The following AGAP3 variants were observed in gnomAD, a reference collection of about 807,000 sequenced individuals.
AGAP3 encodes arf-GAP with GTPase, ANK repeat and PH domain-containing protein 3.
A neutral mutation model predicts 96.9 loss-of-function variants in AGAP3; 24 were observed. The observed-to-expected ratio is 0.25, with a 90% CI of 0.18 to 0.35. The LOEUF is 0.35. AGAP3 is among the 10% of genes least tolerant of loss of function. The pLI is 1.00. For synonymous variants in AGAP3, 563 were observed against 536.1 expected (o/e 1.05, Z -0.69); for missense variants, 876 against 1,254.2 (o/e 0.70, Z 4.55).
In AGAP3 at chr7:151,118,114, G is replaced by T; in HGVS notation, c.707-96G>T. On this transcript the variant is annotated intron_variant, in intron 5 of 17. Coordinates refer to ENST00000397238, the MANE Select transcript of AGAP3 (RefSeq NM_031946.7). The surrounding 1 kb of genome is among the most constrained non-coding windows in gnomAD (Gnocchi z 6.1). ...GTGCTCTGTGTGTTCCACTCACCAG[G>T]CCCTTTGCACACCTGCCCTTGGGCC... The T allele has an allele frequency of 2.7e-6, 4 of 1,481,970 alleles. No homozygotes were observed. In the South Asian group the frequency reaches 5.2e-5, roughly 19 times the overall value. 91.8% of individuals were successfully genotyped at this position (1,481,970 alleles called of 1,614,324 possible). A position where few individuals can be genotyped will look rare whatever the true frequency, so the allele number is the denominator to read the frequency against.
At chr7:151,131,491 G>A (rs189983164) in intron 10 of AGAP3, among the ~76,000 whole-genome samples, 4 of 152,152 alleles carry the variant, frequency 2.6e-5, no homozygotes, top group East Asian at 1.9e-4. Flanking sequence ...CTGAGCAGCC[G>A]CCACCGCCAC....
chr7:151,117,278 T>C, intron 3 of AGAP3, 93 bp from the exon 4 acceptor site: 1 of 1,591,326 alleles, frequency 6.3e-7, no homozygotes, highest in Non-Finnish European at 8.6e-7. Flanking sequence ...CCCCTTCCAG[T>C]CCTCTTCCCT....
intron 11 of AGAP3, among the ~76,000 whole-genome samples, chr7:151,135,682 G>A (rs1021870692): frequency 6.6e-6 from 1 of 152,240 alleles, no homozygotes; most frequent in African/African-American, 2.4e-5. Context: ...CCAGCCCGAA[G>A]GCAGGGGAGT....
At chr7:151,115,215 C>T (rs1047503858) in intron 1 of AGAP3, 1 of 1,001,538 alleles carries the variant, frequency 1.0e-6, no homozygotes, top group Non-Finnish European at 1.2e-6. Flanking sequence ...GGGTCTGGGG[C>T]GCGCGGGCAG....
At chr7:151,123,504 T>TAA (rs1275048350) in intron 8 of AGAP3, 1 of 1,227,690 alleles carries the variant, frequency 8.1e-7, no homozygotes, top group Non-Finnish European at 1.0e-6. Flanking sequence ...CCGCTTCTCT[T>TAA]ACGCCCCCGC....
At chr7:151,109,165 T>TAAAAAAAAA (rs112464213) in intron 1 of AGAP3, among the ~76,000 whole-genome samples, 2 of 136,298 alleles carry the variant, frequency 1.5e-5, no homozygotes, top group South Asian at 2.4e-4. Flanking sequence ...CCCACCTCTG[T>TAAAAAAAAA]AAAAAAAAAA....
chr7:151,117,486 C>G (rs1337940534), intron 4 of AGAP3, 30 bp downstream of exon 4: 2 of 1,613,624 alleles, frequency 1.2e-6, no homozygotes, highest in Non-Finnish European at 1.7e-6. Flanking sequence ...TTAGGGCCCA[C>G]CGCTGTGCCT....
Position 151,142,327 on chromosome 7 carries a change from A to AAG in AGAP3, c.2050+77_2050+78dup. 1 of 1,598,846 alleles carries AAG rather than the reference A, an allele frequency of 6.3e-7. No homozygotes were observed. The highest frequency in any genetic ancestry group is 8.5e-7 in the Non-Finnish European group (1 of 1,169,856). On this transcript the variant is annotated intron_variant, in intron 15 of 17. Coordinates refer to ENST00000397238, the MANE Select transcript of AGAP3 (RefSeq NM_031946.7). The surrounding 1 kb of genome is among the most constrained non-coding windows in gnomAD (Gnocchi z 7.5). ...GCTTCGCAAGCATCAGGGAGCAGGGAAGAGGGCAGGGAAGCCTTCCCTAGT... is the reference window on the plus strand; with the variant it reads ...GCTTCGCAAGCATCAGGGAGCAGGGAAGAGAGGGCAGGGAAGCCTTCCCTAGT...
intron 1 of AGAP3, among the ~76,000 whole-genome samples, chr7:151,087,773 C>A (rs971127273): frequency 6.6e-6 from 1 of 152,260 alleles, no homozygotes; most frequent in Non-Finnish European, 1.5e-5. Flanking sequence ...GGACCGGAAA[C>A]CCCCGGCCAC....
At chr7:151,124,874 T>C (rs1199999631) in intron 9 of AGAP3, among the ~76,000 whole-genome samples, 1 of 152,210 alleles carries the variant, frequency 6.6e-6, no homozygotes, top group Non-Finnish European at 1.5e-5. Context: ...CAGGGTCCCA[T>C]GCCGTGATCC....
In AGAP3 at chr7:151,086,651, C is replaced by G. The variant is rs1346161589; in HGVS notation, c.-91C>G. 1.3e-5 allele frequency: 2 copies of G among 150,386 alleles called. No individual in the cohort carries two copies. The highest frequency in any genetic ancestry group is 2.9e-5 in the African/African-American group (1 of 35,002). 9.3% of individuals were successfully genotyped at this position (150,386 alleles called of 1,614,324 possible). ...CCAGTAGTCCCGGCCCCGCCAGCCCCGCGCTCCCGCTCGCCGCTGCCGCCG... is the reference window on the plus strand; with the variant it reads ...CCAGTAGTCCCGGCCCCGCCAGCCCGGCGCTCCCGCTCGCCGCTGCCGCCG... On this transcript the variant is annotated 5_prime_UTR_variant, in exon 1 of 18. Coordinates refer to ENST00000397238, the MANE Select transcript of AGAP3 (RefSeq NM_031946.7).
At chr7:151,131,494 A>G (rs181314300) in intron 10 of AGAP3, among the ~76,000 whole-genome samples, 3,111 of 152,252 alleles carry the variant, frequency 0.02, 106 homozygotes, top group African/African-American at 0.069. Flanking sequence ...AGCAGCCGCC[A>G]CCGCCACCAT....
Position 151,118,676 on chromosome 7 carries a change from C to T in AGAP3, c.969+44C>T. The stretch of plus-strand genomic sequence containing the variant: ...CCTGCCCTTCCTGTCCCCACCATGT[C>T]TGTCTTGCCTCTGTGCGTCCTGCCA... On this transcript the variant is annotated intron_variant, in intron 7 of 17. Transcript: ENST00000397238. This position sits in a 1 kb window ranked among gnomAD's most constrained non-coding sequence, Gnocchi z 6.1. The T allele has an allele frequency of 1.3e-6, 2 of 1,598,076 alleles. No individual in the cohort carries two copies. Among genetic ancestry groups the T allele is most frequent in the Non-Finnish European group, 1.7e-6 (2 of 1,173,606 alleles).
chr7:151,118,836 G>T lies in AGAP3; in HGVS notation c.969+204G>T, dbSNP rs926238221. ...GCCTCATCCCTGCCCCACGGTGCCT[G>T]CCCCTTCCCGCTGCAATCCCCACTT... On this transcript the variant is annotated intron_variant, in intron 7 of 17. Coordinates refer to ENST00000397238, the MANE Select transcript of AGAP3 (RefSeq NM_031946.7). The surrounding 1 kb of genome is among the most constrained non-coding windows in gnomAD (Gnocchi z 6.1). Among the ~76,000 whole-genome samples, 1 of 152,136 alleles carries T rather than the reference G, an allele frequency of 6.6e-6. No homozygotes were observed. Among genetic ancestry groups the T allele is most frequent in the Non-Finnish European group, 1.5e-5 (1 of 68,028 alleles).
intron 8 of AGAP3, chr7:151,120,488 C>A: frequency 1.5e-6 from 1 of 664,462 alleles, no homozygotes; most frequent in Non-Finnish European, 2.6e-6. Flanking sequence ...ACTCACTTGG[C>A]CTAACTCCCC....
intron 7 of AGAP3, 129 bp from the exon 8 acceptor site, chr7:151,119,858 G>T: frequency 1.3e-6 from 1 of 783,154 alleles, no homozygotes; most frequent in Non-Finnish European, 2.0e-6. Flanking sequence ...CATCTGTAGG[G>T]GCTAGTGGCC....
chr7:151,115,701 C>G, intron 1 of AGAP3: 1 of 1,037,278 alleles, frequency 9.6e-7, no homozygotes, highest in Non-Finnish European at 1.2e-6. Context: ...AAAAGCCGGA[C>G]GCGCCCAGGG....
At chr7:151,087,474 C>T (rs775811358) in intron 1 of AGAP3, among the ~76,000 whole-genome samples, 44 of 152,256 alleles carry the variant, frequency 2.9e-4, no homozygotes, top group Non-Finnish European at 6.2e-4. Flanking sequence ...CGGAGCCTCG[C>T]GTTAGTGGAT....
In AGAP3 at chr7:151,118,434, T is replaced by G. The variant is rs1398373557; in HGVS notation, c.842-71T>G. On this transcript the variant is annotated intron_variant, in intron 6 of 17. Coordinates refer to ENST00000397238, the MANE Select transcript of AGAP3 (RefSeq NM_031946.7). This position sits in a 1 kb window ranked among gnomAD's most constrained non-coding sequence, Gnocchi z 6.1. ...CCCAGTGAGAGCAAGGCTGTGTGTC[T>G]GGGGGGAGGTGCTAAGCCAGGCTTT... 1.2e-6 allele frequency: 2 copies of G among 1,600,344 alleles called. No homozygotes were observed. The highest frequency in any genetic ancestry group is 1.7e-6 in the Non-Finnish European group (2 of 1,169,462).
Sources: gnomAD v4.1 joint callset for allele counts (sites outside exome capture counted in the v4.1 genomes callset) on GRCh38, gnomAD v4.1.1 for gene constraint, Gnocchi (gnomAD v3.1) non-coding constraint, MANE v1.5 for transcripts, NCBI Gene and HGNC (gene_info 2026-07-23, HGNC 2026-07-21) for gene names.